DPH6: variants seen among roughly 807,000 people sequenced by gnomAD.
DPH6 encodes the protein diphthamine biosynthesis 6.
In DPH6, 33 loss-of-function variants were observed where a neutral mutation model predicts 38.2. The ratio of observed to expected loss-of-function variants is 0.86; its 90% CI spans 0.65 to 1.15. The LOEUF (loss-of-function observed/expected upper bound fraction) is 1.15, where lower values mean the gene tolerates loss of function less well. Among genes scored for constraint, DPH6 ranks in the 50% most tolerant of loss-of-function variants. DPH6 has a pLI of 0.00. For missense variants in DPH6, 325 were observed against 320.0 expected, an observed-to-expected ratio of 1.02 and a Z score of -0.12; for synonymous variants, 108 against 103.0, an observed-to-expected ratio of 1.05 and a Z score of -0.30.
intron 3 of DPH6, among the ~76,000 whole-genome samples, chr15:35,467,330 C>T (rs2054139332): frequency 1.3e-5 from 2 of 152,104 alleles, no homozygotes; most frequent in South Asian, 2.1e-4. Context: ...TTTGGGAGGC[C>T]AAGGCAGGCA....
intron 3 of DPH6, among the ~76,000 whole-genome samples, chr15:35,336,548 T>A (rs1376097091): frequency 6.6e-6 from 1 of 152,114 alleles, no homozygotes; most frequent in Admixed American, 6.6e-5. Context: ...ATGCTTCCAG[T>A]TTTTGCCCAT....
chr15:35,294,037 T>A (rs888704801), intron 3 of DPH6, among the ~76,000 whole-genome samples: 1 of 152,160 alleles, frequency 6.6e-6, no homozygotes, highest in South Asian at 2.1e-4. Flanking sequence ...TGCTCCAACT[T>A]TGACTAACTC....
At chr15:35,295,946 G>C (rs1021556568) in intron 3 of DPH6, among the ~76,000 whole-genome samples, 4 of 149,656 alleles carry the variant, frequency 2.7e-5, no homozygotes, top group Admixed American at 6.6e-5. Context: ...TTTTGAGATA[G>C]AGTCTCGCTC....
At chr15:35,521,029 G>A (rs538470949) in intron 3 of DPH6, 51 of 985,014 alleles carry the variant, frequency 5.2e-5, no homozygotes, top group Admixed American at 6.2e-5. Flanking sequence ...GAGGGGAAGG[G>A]GCTTTAGATG....
chr15:35,433,381 T>A (rs1490382220), intron 5 of DPH6, among the ~76,000 whole-genome samples: 2 of 152,194 alleles, frequency 1.3e-5, no homozygotes, highest in Non-Finnish European at 2.9e-5. Flanking sequence ...GGAGAAGTAG[T>A]GGCATTCTCT....
chr15:35,150,235 G>A, the DPH6 span, among the ~76,000 whole-genome samples: 1 of 152,186 alleles, frequency 6.6e-6, no homozygotes. Context: ...TACTCTTTCG[G>A]AGGTGACAGA....
At chr15:35,292,080 G>A (rs1384180596) in intron 3 of DPH6, among the ~76,000 whole-genome samples, 4 of 151,998 alleles carry the variant, frequency 2.6e-5, no homozygotes, top group Non-Finnish European at 5.9e-5. Context: ...GCCCTAAAAG[G>A]AGAAGTAGTG....
At chr15:35,278,278 G>C (rs987526180) in intron 3 of DPH6, among the ~76,000 whole-genome samples, 5 of 152,230 alleles carry the variant, frequency 3.3e-5, no homozygotes, top group African/African-American at 1.2e-4. Flanking sequence ...AAAGGCCCCA[G>C]GTACAGCTCT....
chr15:35,337,707 A>G (rs2052384784), intron 3 of DPH6, among the ~76,000 whole-genome samples: 1 of 152,186 alleles, frequency 6.6e-6, no homozygotes, highest in Non-Finnish European at 1.5e-5. Context: ...GAACCAAAAA[A>G]GAGCCTGCAT....
At chr15:35,447,216 A>T (rs948540116) in intron 5 of DPH6, among the ~76,000 whole-genome samples, 1 of 152,148 alleles carries the variant, frequency 6.6e-6, no homozygotes, top group Non-Finnish European at 1.5e-5. Context: ...ACACATCCAG[A>T]GTGTTCTCTC....
intron 3 of DPH6, among the ~76,000 whole-genome samples, chr15:35,227,974 G>A (rs2051493764): frequency 1.3e-5 from 2 of 151,804 alleles, no homozygotes; most frequent in Non-Finnish European, 2.9e-5. Flanking sequence ...ATTCCATTGT[G>A]GTCACAGAAG....
chr15:35,482,865 T>C (rs1328347765), intron 3 of DPH6, among the ~76,000 whole-genome samples: 1 of 151,986 alleles, frequency 6.6e-6, no homozygotes, highest in Admixed American at 6.6e-5. Context: ...TTTTGTGCTT[T>C]AAAAAACATC....
the DPH6 span, among the ~76,000 whole-genome samples, chr15:35,147,356 AT>A: frequency 1.3e-5 from 2 of 152,158 alleles, no homozygotes; most frequent in Non-Finnish European, 2.9e-5. Flanking sequence ...TTCATCATTT[AT>A]TTTTTTAATA....
intron 6 of DPH6, among the ~76,000 whole-genome samples, chr15:35,402,602 T>C (rs970977965): frequency 5.9e-5 from 9 of 152,150 alleles, no homozygotes; most frequent in African/African-American, 2.2e-4. Flanking sequence ...AAAATGGTCT[T>C]AGGACATAAA....
At chr15:35,352,220 GC>G (rs2052518909) in intron 3 of DPH6, among the ~76,000 whole-genome samples, 1 of 151,768 alleles carries the variant, frequency 6.6e-6, no homozygotes, top group Non-Finnish European at 1.5e-5. Context: ...TTATTGCTTA[GC>G]TTTTTTTTTG....
intron 4 of DPH6, among the ~76,000 whole-genome samples, chr15:35,453,039 G>A (rs1305216658): frequency 6.6e-6 from 1 of 152,188 alleles, no homozygotes; most frequent in East Asian, 1.9e-4. Flanking sequence ...AACACTGGGT[G>A]AGAGGACAGC....
At chr15:35,148,832 C>T in the DPH6 span, among the ~76,000 whole-genome samples, 1 of 152,050 alleles carries the variant, frequency 6.6e-6, no homozygotes, top group South Asian at 2.1e-4. Context: ...AAGCTCCCTG[C>T]AAACATTAAA....
chr15:35,498,450 AT>A (rs1302294393), intron 3 of DPH6, among the ~76,000 whole-genome samples: 5 of 152,082 alleles, frequency 3.3e-5, no homozygotes, highest in African/African-American at 1.2e-4. Context: ...TAAAAAACAG[AT>A]TTTTGCACAG....
intron 3 of DPH6, among the ~76,000 whole-genome samples, chr15:35,503,098 C>T (rs1595423848): frequency 1.3e-5 from 2 of 151,448 alleles, no homozygotes; most frequent in African/African-American, 4.8e-5. Flanking sequence ...TTGTATCCTC[C>T]CCTCTGAAAT....
Sources: allele counts gnomAD v4.1 joint callset (sites outside exome capture counted in the v4.1 genomes callset), GRCh38; gene constraint gnomAD v4.1.1; transcripts MANE v1.5; gene names NCBI Gene and HGNC (gene_info 2026-07-23, HGNC 2026-07-21).